Variants in PDIA6 observed in about 807,000 individuals in gnomAD.
PDIA6 encodes the protein protein disulfide isomerase family A member 6, also known as protein disulfide-isomerase A6.
Under a neutral mutation model 58.4 loss-of-function variants are expected in PDIA6, and 29 were observed. That is an observed-to-expected ratio of 0.50 (90% CI 0.37 to 0.68). The LOEUF is 0.68. Among genes scored for constraint, PDIA6 ranks in the 30% least tolerant of loss-of-function variants. PDIA6 has a pLI of 0.00. For synonymous variants in PDIA6, 192 were observed against 202.6 expected, an observed-to-expected ratio of 0.95 and a Z score of 0.44; for missense variants, 480 against 551.0, an observed-to-expected ratio of 0.87 and a Z score of 1.29.
At position 10,812,732 on chromosome 2, in the gene PDIA6, C is replaced by A. The variant is rs1326027432; in HGVS notation, c.-36G>T. The A allele has an allele frequency of 2.7e-5, 40 of 1,490,812 alleles. No homozygotes were observed. Among genetic ancestry groups the A allele is most frequent in the Non-Finnish European group, 3.4e-5 (38 of 1,122,188 alleles). The allele number at this position is 1,490,812 out of a possible 1,614,324, so 92.3% of individuals were successfully genotyped here. ...GGGCTACGTGCAGTCCCCACCGCCGCCGCCGCTTCAGCCCTGCAGCGTGCC... is the reference window on the plus strand; with the variant it reads ...GGGCTACGTGCAGTCCCCACCGCCGACGCCGCTTCAGCCCTGCAGCGTGCC... On this transcript the variant is annotated 5_prime_UTR_variant, in exon 1 of 13. Coordinates refer to ENST00000272227, the MANE Select transcript of PDIA6 (RefSeq NM_005742.4).
chr2:10,827,428 G>T (rs952049311), intron 1 of PDIA6, among the ~76,000 whole-genome samples: 12 of 152,190 alleles, frequency 7.9e-5, no homozygotes, highest in African/African-American at 2.7e-4. Context: ...AGGGAACAGA[G>T]GAGAACCTTC....
At chr2:10,814,614 C>A (rs76806487), upstream of PDIA6, among the ~76,000 whole-genome samples, 1 of 152,088 alleles carries the variant, frequency 6.6e-6, no homozygotes, top group Admixed American at 6.5e-5. Context: ...TGGATTACAG[C>A]GAAGTCCTTC....
At chr2:10,804,177 G>T (rs1020714486) in intron 1 of PDIA6, among the ~76,000 whole-genome samples, 2 of 151,696 alleles carry the variant, frequency 1.3e-5, no homozygotes, top group Admixed American at 1.3e-4. Flanking sequence ...CAAAGTGCTG[G>T]GATTACAGGC....
At chr2:10,801,218 T>C (rs1666498294) in intron 2 of PDIA6, among the ~76,000 whole-genome samples, 2 of 152,118 alleles carry the variant, frequency 1.3e-5, no homozygotes, top group Non-Finnish European at 2.9e-5. Flanking sequence ...ATCAAGGCTG[T>C]AGTGAGCCGT....
chr2:10,818,166 CT>C (rs571475237), intron 2 of PDIA6, among the ~76,000 whole-genome samples: 1,773 of 144,424 alleles, frequency 0.012, 22 homozygotes, highest in African/African-American at 0.028. Context: ...ACCACTTTAA[CT>C]TTTTTTTTTT....
intron 1 of PDIA6, among the ~76,000 whole-genome samples, chr2:10,809,925 T>G (rs1666932182): frequency 1.3e-5 from 2 of 152,300 alleles, no homozygotes; most frequent in Admixed American, 1.3e-4. Flanking sequence ...TTGTTTCCAG[T>G]TTTTCACTAA....
At chr2:10,807,299 C>T (rs1372363686) in intron 1 of PDIA6, among the ~76,000 whole-genome samples, 1 of 152,214 alleles carries the variant, frequency 6.6e-6, no homozygotes, top group African/African-American at 2.4e-5. Flanking sequence ...GCAGCCCTGA[C>T]CTCCTGGGCT....
At chr2:10,795,859 T>G (rs942902498) in intron 4 of PDIA6, among the ~76,000 whole-genome samples, 1 of 152,172 alleles carries the variant, frequency 6.6e-6, no homozygotes, top group Non-Finnish European at 1.5e-5. Context: ...CATGAGCTGA[T>G]ACTGCTCACA....
Position 10,797,299 on chromosome 2 carries a change from G to T in PDIA6, c.220-92C>A. 5 of 1,315,760 alleles carry T rather than the reference G, an allele frequency of 3.8e-6. No individual in the cohort carries two copies. The Admixed American group carries it at 6.8e-5, about 18-fold the overall frequency. 81.5% of individuals were successfully genotyped at this position (1,315,760 alleles called of 1,614,324 possible). ...TCTGCTTCACATAGACTCAGAAAAA[G>T]GTAATAAAGCACAGGGTGCAGTTTG... On this transcript the variant is annotated intron_variant, in intron 3 of 12. Transcript: ENST00000272227.
intron 1 of PDIA6, among the ~76,000 whole-genome samples, chr2:10,825,124 T>C (rs1667514253): frequency 6.6e-6 from 1 of 152,184 alleles, no homozygotes; most frequent in African/African-American, 2.4e-5. Context: ...CTTCCTGCCC[T>C]CAAACATCAG....
At chr2:10,791,627 T>C (rs1469502686) in intron 6 of PDIA6, among the ~76,000 whole-genome samples, 168 bp downstream of exon 6, 2 of 152,050 alleles carry the variant, frequency 1.3e-5, no homozygotes, top group Non-Finnish European at 2.9e-5. Flanking sequence ...AATAGGAGAG[T>C]GGAAGCTCTT....
At chr2:10,789,433 T>C (rs77341161) in intron 8 of PDIA6, among the ~76,000 whole-genome samples, 1 of 102,400 alleles carries the variant, frequency 9.8e-6, no homozygotes, top group Admixed American at 1.1e-4. Context: ...AAAACAAAAC[T>C]ATACAAAGAC....
intron 1 of PDIA6, among the ~76,000 whole-genome samples, chr2:10,828,368 T>A (rs2130285): frequency 6.6e-6 from 1 of 152,018 alleles, no homozygotes; most frequent in Non-Finnish European, 1.5e-5. Flanking sequence ...GGAAGAGAAA[T>A]AACAGGCTGC....
chr2:10,832,341 G>T, exon 1 of PDIA6: 1 of 822,710 alleles, frequency 1.2e-6, no homozygotes, highest in Non-Finnish European at 1.5e-6. Context: ...ACAGTGCAAT[G>T]CAGTGCAGCC....
At chr2:10,799,793 C>G (rs1005742439) in intron 2 of PDIA6, among the ~76,000 whole-genome samples, 15 of 151,558 alleles carry the variant, frequency 9.9e-5, no homozygotes, top group African/African-American at 3.6e-4. Context: ...GCACATACAT[C>G]ATAATGCCAC....
At chr2:10,811,496 C>CA (rs971724356) in intron 1 of PDIA6, among the ~76,000 whole-genome samples, 2 of 111,834 alleles carry the variant, frequency 1.8e-5, no homozygotes, top group African/African-American at 5.3e-5. Flanking sequence ...GACCGTGTCT[C>CA]AAAAAACAGA....
At chr2:10,821,474 T>C (rs1572702503) in intron 1 of PDIA6, 1 of 152,456 alleles carries the variant, frequency 6.6e-6, no homozygotes, top group African/African-American at 2.4e-5. Flanking sequence ...TGTGGTTGGG[T>C]GTTGCCTTCT....
chr2:10,834,698 T>C (rs1437247551), upstream of PDIA6, among the ~76,000 whole-genome samples: 16 of 68,650 alleles, frequency 2.3e-4, no homozygotes, highest in South Asian at 5.8e-4. Flanking sequence ...AACTAATTTC[T>C]CTCCCTCCCT....
At chr2:10,803,526 C>T (rs996627541) in intron 1 of PDIA6, among the ~76,000 whole-genome samples, 2 of 136,930 alleles carry the variant, frequency 1.5e-5, no homozygotes, top group African/African-American at 5.1e-5. Flanking sequence ...AAACACTGTT[C>T]GTGTGAACAA....
Sources: allele counts gnomAD v4.1 joint callset (sites outside exome capture counted in the v4.1 genomes callset), GRCh38; gene constraint gnomAD v4.1.1; transcripts MANE v1.5; gene names NCBI Gene and HGNC (gene_info 2026-07-23, HGNC 2026-07-21).